LDLRAD4: variants seen among roughly 807,000 people sequenced by gnomAD.
The protein encoded by LDLRAD4 is low-density lipoprotein receptor class A domain-containing protein 4.
In LDLRAD4, 5 loss-of-function variants were observed where a neutral mutation model predicts 17.0. The observed-to-expected ratio is 0.29, with a 90% CI of 0.15 to 0.62. The LOEUF (loss-of-function observed/expected upper bound fraction) is 0.62, where lower values mean the gene tolerates loss of function less well. Among genes scored for constraint, LDLRAD4 ranks in the 20% least tolerant of loss-of-function variants. The pLI is 0.84. For synonymous variants in LDLRAD4, 168 were observed against 171.8 expected, an observed-to-expected ratio of 0.98 and a Z score of 0.17; for missense variants, 340 against 424.7, an observed-to-expected ratio of 0.80 and a Z score of 1.75.
chr18:13,454,476 A>G (rs1371978084), intron 3 of LDLRAD4, among the ~76,000 whole-genome samples: 3 of 152,088 alleles, frequency 2.0e-5, no homozygotes, highest in African/African-American at 7.2e-5. Context: ...CATTCTCTTC[A>G]TCATCTTTGC....
Position 13,446,727 on chromosome 18 carries a change from C to T in LDLRAD4, c.181+8343C>T, listed in dbSNP as rs1054073220. Reference sequence around the variant, plus strand: ...AGGCAGCGTGGCTTCAGCATGGGGGCGGCTCTGTTTCTGCCATCACCATCC... The same window carrying T: ...AGGCAGCGTGGCTTCAGCATGGGGGTGGCTCTGTTTCTGCCATCACCATCC... On this transcript the variant is annotated intron_variant, in intron 3 of 5. Coordinates refer to ENST00000359446, the Ensembl canonical transcript of LDLRAD4. Among the ~76,000 whole-genome samples, 8 of 152,314 alleles carry T rather than the reference C, an allele frequency of 5.3e-5. No individual in the cohort carries two copies. The East Asian group carries it at 5.8e-4, about 11-fold the overall frequency.
At chr18:13,514,839 T>C (rs941871500) in intron 3 of LDLRAD4, 4 of 151,924 alleles carry the variant, frequency 2.6e-5, no homozygotes, top group Admixed American at 1.3e-4. Context: ...CAGGTGAGAG[T>C]TGTAGGTTCA....
intron 2 of LDLRAD4, among the ~76,000 whole-genome samples, chr18:13,430,669 A>G (rs773671833): frequency 6.6e-6 from 1 of 152,238 alleles, no homozygotes; most frequent in Non-Finnish European, 1.5e-5. Flanking sequence ...ACACACATGC[A>G]TACATACACA....
intron 1 of LDLRAD4, among the ~76,000 whole-genome samples, chr18:13,295,311 G>A (rs1206308836): frequency 6.6e-6 from 1 of 152,176 alleles, no homozygotes; most frequent in South Asian, 2.1e-4. Flanking sequence ...TGGCTGGGAT[G>A]GCCTCAAAGT....
At chr18:13,352,372 A>G (rs1393058240) in intron 1 of LDLRAD4, among the ~76,000 whole-genome samples, 1 of 146,732 alleles carries the variant, frequency 6.8e-6, no homozygotes, top group Non-Finnish European at 1.5e-5. Flanking sequence ...CTTGGCTGAC[A>G]GGTTGTTTTT....
At chr18:13,605,374 C>T (rs932687293) in intron 3 of LDLRAD4, among the ~76,000 whole-genome samples, 5 of 152,204 alleles carry the variant, frequency 3.3e-5, no homozygotes, top group Non-Finnish European at 7.3e-5. Context: ...TATGCCACCA[C>T]ACCTGGCTAA....
chr18:13,262,680 A>G (rs1264447127), intron 1 of LDLRAD4, among the ~76,000 whole-genome samples: 52 of 39,644 alleles, frequency 1.3e-3, no homozygotes, highest in African/African-American at 2.9e-3. Flanking sequence ...CTGTGCGTGG[A>G]AACTGAGTCC....
chr18:13,345,546 T>G (rs2082630177), intron 1 of LDLRAD4, among the ~76,000 whole-genome samples: 1 of 152,220 alleles, frequency 6.6e-6, no homozygotes, highest in African/African-American at 2.4e-5. Flanking sequence ...AAATTCTCTT[T>G]TTTTGTTGTG....
At chr18:13,502,633 G>A (rs928574451) in intron 3 of LDLRAD4, among the ~76,000 whole-genome samples, 3 of 121,606 alleles carry the variant, frequency 2.5e-5, no homozygotes, top group African/African-American at 8.8e-5. Context: ...GGAACAAGCC[G>A]TGTAGCTCTG....
intron 3 of LDLRAD4, among the ~76,000 whole-genome samples, chr18:13,451,597 G>A (rs1170065984): frequency 6.6e-6 from 1 of 152,152 alleles, no homozygotes; most frequent in Non-Finnish European, 1.5e-5. Context: ...GCAAGAGATG[G>A]CCTAATACAG....
intron 3 of LDLRAD4, among the ~76,000 whole-genome samples, chr18:13,508,815 C>T (rs1240278233): frequency 1.3e-5 from 2 of 152,344 alleles, no homozygotes; most frequent in East Asian, 3.9e-4. Context: ...AACATCCACT[C>T]TGTAGCCCAT....
rs1472189812 is a variant in LDLRAD4, at chr18:13,645,615, A to T, written c.879A>T (p.Val293=). The T allele has an allele frequency of 6.5e-7, 1 of 1,531,100 alleles. No individual in the cohort carries two copies. Among genetic ancestry groups the T allele is most frequent in the Non-Finnish European group, 8.8e-7 (1 of 1,139,528 alleles). 94.8% of individuals were successfully genotyped at this position (1,531,100 alleles called of 1,614,324 possible). A position where few individuals can be genotyped will look rare whatever the true frequency, so the allele number is the denominator to read the frequency against. Residue 293 remains valine, a synonymous_variant, in exon 6 of 6, where the codon GTA becomes GTT. Coordinates refer to ENST00000359446, the Ensembl canonical transcript of LDLRAD4. The surrounding 1 kb of genome is among the most constrained non-coding windows in gnomAD (Gnocchi z 5.7). ...AGAACAATGCAGAGAGCACAATAGT[A>T]CCCATCAAAGGCAAAGATAGGAAGC...
intron 1 of LDLRAD4, among the ~76,000 whole-genome samples, chr18:13,292,347 C>T (rs2046013074): frequency 6.6e-6 from 1 of 152,232 alleles, no homozygotes; most frequent in Admixed American, 6.5e-5. Flanking sequence ...GCGCTCTGTT[C>T]CTGTCACTTT....
intron 3 of LDLRAD4, among the ~76,000 whole-genome samples, chr18:13,511,227 A>G (rs74562481): frequency 0.013 from 2,027 of 152,202 alleles, 37 homozygotes; most frequent in African/African-American, 0.045. Flanking sequence ...GGGAAGGCAA[A>G]ATGTGCTCAA....
In LDLRAD4 at chr18:13,343,229, C is replaced by G. The variant is rs1489331696; in HGVS notation, c.-382-44112C>G. Among the ~76,000 whole-genome samples the G allele has an allele frequency of 6.8e-5, 7 of 103,054 alleles. No homozygotes were observed. In the Admixed American group the frequency reaches 9.1e-4, roughly 13 times the overall value. The allele number at this position is 103,054 out of a possible 152,430, so 67.6% of individuals were successfully genotyped here. On this transcript the variant is annotated intron_variant, in intron 1 of 5. Transcript: ENST00000359446. ...ATATATCTCCTAATGCTATCCCTCC[C>G]CCCTCCCCCCACCCCACAACAGGCC... is the stretch of plus-strand genomic sequence containing the variant.
chr18:13,482,971 C>T (rs1428704469), intron 3 of LDLRAD4, among the ~76,000 whole-genome samples: 2 of 152,108 alleles, frequency 1.3e-5, no homozygotes, highest in Non-Finnish European at 2.9e-5. Context: ...AGAGGAACTT[C>T]CCTAGGTCAG....
intron 3 of LDLRAD4, among the ~76,000 whole-genome samples, chr18:13,563,525 G>A (rs2094562402): frequency 6.6e-6 from 1 of 152,168 alleles, no homozygotes; most frequent in Non-Finnish European, 1.5e-5. Flanking sequence ...GTGAGTCTAG[G>A]GAGCAGAATG....
At chr18:13,498,327 C>T (rs11664378) in intron 3 of LDLRAD4, among the ~76,000 whole-genome samples, 24,518 of 120,176 alleles carry the variant, frequency 0.2, 3,440 homozygotes, top group Middle Eastern at 0.52. Context: ...CACGTCCTGC[C>T]GTGGACACTG....
intron 1 of LDLRAD4, among the ~76,000 whole-genome samples, chr18:13,326,035 G>A (rs4302113): frequency 0.038 from 5,836 of 152,090 alleles, 389 homozygotes; most frequent in East Asian, 0.33. Context: ...CCAAAGTGCT[G>A]GGATTACAGG....
Sources: gnomAD v4.1 joint callset for allele counts (sites outside exome capture counted in the v4.1 genomes callset) on GRCh38, gnomAD v4.1.1 for gene constraint, Gnocchi (gnomAD v3.1) non-coding constraint, MANE v1.5 for transcripts, NCBI Gene and HGNC (gene_info 2026-07-23, HGNC 2026-07-21) for gene names.